Variants in STYX observed in about 807,000 individuals in gnomAD.
The protein encoded by STYX is serine/threonine/tyrosine interacting protein.
In STYX, 20 loss-of-function variants were observed where a neutral mutation model predicts 42.7. That is an observed-to-expected ratio of 0.47 (90% CI 0.33 to 0.68). STYX has a LOEUF of 0.68. Among genes scored for constraint, STYX ranks in the 30% least tolerant of loss-of-function variants. The pLI is 0.02. For synonymous variants in STYX, 78 were observed against 81.9 expected, an observed-to-expected ratio of 0.95 and a Z score of 0.26; for missense variants, 226 against 268.5, an observed-to-expected ratio of 0.84 and a Z score of 1.11.
At chr14:52,766,620 G>A (rs551689498) in intron 9 of STYX, among the ~76,000 whole-genome samples, 6 of 152,270 alleles carry the variant, frequency 3.9e-5, no homozygotes, top group African/African-American at 1.2e-4. Flanking sequence ...GATGTATCTT[G>A]TTGATTGCTC....
chr14:52,738,844 A>T (rs1881067870), intron 1 of STYX, among the ~76,000 whole-genome samples: 1 of 152,172 alleles, frequency 6.6e-6, no homozygotes, highest in African/African-American at 2.4e-5. Context: ...CACCCAGACA[A>T]ACTGACACAA....
intron 1 of STYX, among the ~76,000 whole-genome samples, chr14:52,743,873 G>A (rs72686304): frequency 5.3e-5 from 8 of 152,260 alleles, no homozygotes; most frequent in Non-Finnish European, 1.0e-4. Context: ...ACCCTAGCTG[G>A]AGTGGTGGGG....
chr14:52,734,333 G>A (rs530015686), intron 1 of STYX, among the ~76,000 whole-genome samples: 4 of 152,158 alleles, frequency 2.6e-5, no homozygotes, highest in Non-Finnish European at 5.9e-5. Flanking sequence ...AGCACCTCCA[G>A]TGTTTTCATC....
intron 9 of STYX, among the ~76,000 whole-genome samples, chr14:52,761,023 T>C (rs1465001652): frequency 6.6e-6 from 1 of 152,126 alleles, no homozygotes; most frequent in Non-Finnish European, 1.5e-5. Flanking sequence ...GAAAGAATAG[T>C]ATATACATAT....
At position 52,768,940 on chromosome 14, in the gene STYX, A is replaced by AT. The variant is rs557043881; in HGVS notation, c.598+14dup. On this transcript the variant is annotated splice_region_variant and intron_variant, in intron 10 of 10. Coordinates refer to ENST00000354586, the MANE Select transcript of STYX (RefSeq NM_145251.4). ...GTTCATTCTGGTACCACAGGTAAGGATTTTTTTCTTTTTGGAGAAATTTGG... is the reference window on the plus strand; with the variant it reads ...GTTCATTCTGGTACCACAGGTAAGGATTTTTTTTCTTTTTGGAGAAATTTGG... 1.6e-4 allele frequency: 253 copies of AT among 1,560,044 alleles called. 5 individuals carry two copies. The South Asian group carries it at 2.9e-3, about 18-fold the overall frequency.
In STYX at chr14:52,730,354, CGCCCTCCTGTCAGCCCTCCGCTCCGCCG is replaced by C. The variant is rs1234213614; in HGVS notation, c.-112_-85del. 3.1e-6 allele frequency: 3 copies of C among 955,776 alleles called. No homozygotes were observed. The highest frequency in any genetic ancestry group is 4.9e-6 in the Non-Finnish European group (3 of 615,768). 59.2% of individuals were successfully genotyped at this position (955,776 alleles called of 1,614,324 possible). A position where few individuals can be genotyped will look rare whatever the true frequency, so the allele number is the denominator to read the frequency against. On this transcript the variant is annotated 5_prime_UTR_variant, in exon 1 of 11. Transcript: ENST00000354586. ...CTGCGTGTGTTAGTTGTAATCCCGC[CGCCCTCCTGTCAGCCCTCCGCTCCGCCG>C]GCCCTCCTTCCTTCCGCCGCCGCAG...
chr14:52,734,228 G>A (rs1031683647), intron 1 of STYX, among the ~76,000 whole-genome samples: 1 of 152,136 alleles, frequency 6.6e-6, no homozygotes, highest in Non-Finnish European at 1.5e-5. Context: ...ACTTAGGCGT[G>A]GAAAGTTAGG....
At chr14:52,756,898 G>T (rs1405424270) in intron 5 of STYX, among the ~76,000 whole-genome samples, 2 of 151,838 alleles carry the variant, frequency 1.3e-5, no homozygotes, top group Non-Finnish European at 2.9e-5. Flanking sequence ...TGTTGATCAG[G>T]CTGGTCTCAA....
chr14:52,769,062 A>G (rs1410841843), intron 10 of STYX, 129 bp downstream of exon 10: 9 of 643,004 alleles, frequency 1.4e-5, no homozygotes, highest in Middle Eastern at 6.3e-4. Context: ...TAATTCCAGA[A>G]GGATTCATTT....
At position 52,773,766 on chromosome 14, in the gene STYX, T is replaced by G. The variant is rs1019803105; in HGVS notation, c.*2660T>G. On this transcript the variant is annotated 3_prime_UTR_variant, in exon 11 of 11. Coordinates refer to ENST00000354586, the MANE Select transcript of STYX (RefSeq NM_145251.4). ...TTCTGGTAGCTCTTCCTATTCTTTA[T>G]TCTATTTGATTCCATTTCTGTGATT... is the stretch of plus-strand genomic sequence containing the variant. 16 of 152,360 alleles carry G rather than the reference T, an allele frequency of 1.1e-4. No homozygotes were observed. The highest frequency in any genetic ancestry group is 3.6e-4 in the African/African-American group (15 of 41,578). 9.4% of individuals were successfully genotyped at this position (152,360 alleles called of 1,614,324 possible).
chr14:52,748,646 C>T (rs1425471202), intron 3 of STYX, among the ~76,000 whole-genome samples: 1 of 152,122 alleles, frequency 6.6e-6, no homozygotes, highest in Non-Finnish European at 1.5e-5. Context: ...AATCTATTCG[C>T]TGTTACGTTA....
chr14:52,761,298 A>T (rs1882084272), intron 9 of STYX, among the ~76,000 whole-genome samples: 2 of 150,384 alleles, frequency 1.3e-5, no homozygotes, highest in South Asian at 4.2e-4. Flanking sequence ...ATTGCACTCC[A>T]GCCTGGGCAA....
chr14:52,734,930 G>A (rs1474735922), intron 1 of STYX, among the ~76,000 whole-genome samples: 1 of 151,962 alleles, frequency 6.6e-6, no homozygotes, highest in Non-Finnish European at 1.5e-5. Flanking sequence ...GGTGGCGGGC[G>A]CCTGTAGTCC....
intron 1 of STYX, among the ~76,000 whole-genome samples, chr14:52,739,830 G>C (rs985126702): frequency 6.6e-6 from 1 of 151,634 alleles, no homozygotes; most frequent in East Asian, 1.9e-4. Flanking sequence ...TTTTTGTAGA[G>C]ATGAGGTCTC....
At chr14:52,765,477 A>G (rs996490080) in intron 9 of STYX, among the ~76,000 whole-genome samples, 4 of 152,074 alleles carry the variant, frequency 2.6e-5, no homozygotes, top group Non-Finnish European at 5.9e-5. Context: ...TCGGCCTCCC[A>G]AAGTGTTGGG....
At chr14:52,765,495 G>T (rs891372363) in intron 9 of STYX, among the ~76,000 whole-genome samples, 1 of 152,172 alleles carries the variant, frequency 6.6e-6, no homozygotes, top group Non-Finnish European at 1.5e-5. Context: ...GGGATTACAG[G>T]TGTGAGCCAC....
chr14:52,743,393 A>G lies in STYX; in HGVS notation c.58-1459A>G, dbSNP rs187905041. On this transcript the variant is annotated intron_variant, in intron 1 of 10. Transcript: ENST00000354586. ...TCAGGAGATCAAGACCATCTTGGCT[A>G]ACACGGTGAAACCCCGTCTCTACTA... Among the ~76,000 whole-genome samples the G allele has an allele frequency of 2.0e-4, 31 of 152,084 alleles. 1 individual carries two copies. The East Asian group carries it at 5.9e-3, about 29-fold the overall frequency.
intron 4 of STYX, among the ~76,000 whole-genome samples, chr14:52,756,277 A>G (rs1160989310): frequency 5.9e-5 from 9 of 152,134 alleles, no homozygotes; most frequent in Non-Finnish European, 1.2e-4. Flanking sequence ...TGGCCTCCCA[A>G]AAGAGTTTCT....
At chr14:52,764,666 C>CTTTTTTTTTT (rs58502916) in intron 9 of STYX, among the ~76,000 whole-genome samples, 2 of 99,014 alleles carry the variant, frequency 2.0e-5, no homozygotes, top group African/African-American at 3.9e-5. Context: ...TTTACTTTTC[C>CTTTTTTTTTT]TTTTTTTTTT....
Sources: allele counts gnomAD v4.1 joint callset (sites outside exome capture counted in the v4.1 genomes callset), GRCh38; gene constraint gnomAD v4.1.1; transcripts MANE v1.5; gene names NCBI Gene and HGNC (gene_info 2026-07-23, HGNC 2026-07-21).